Variants in RIMBP2 observed in about 807,000 individuals in gnomAD.
The protein encoded by RIMBP2 is RIMS-binding protein 2.
Under a neutral mutation model 118.6 loss-of-function variants are expected in RIMBP2, and 48 were observed. That is an observed-to-expected ratio of 0.40 (90% CI 0.32 to 0.51). The LOEUF (loss-of-function observed/expected upper bound fraction) is 0.51, where lower values mean the gene tolerates loss of function less well. RIMBP2 is among the 20% of genes least tolerant of loss of function. The pLI, the probability that RIMBP2 is intolerant of heterozygous loss-of-function variation, is 0.41. For missense variants in RIMBP2, 1,551 were observed against 1,768.3 expected (o/e 0.88, Z 2.20); for synonymous variants, 762 against 742.9 (o/e 1.03, Z -0.42).
chr12:130,550,638 G>C, intron 2 of RIMBP2, among the ~76,000 whole-genome samples: 1 of 152,194 alleles, frequency 6.6e-6, no homozygotes, highest in East Asian at 1.9e-4. Context: ...ATGAAAAAAG[G>C]TTAAAAATTA....
At chr12:130,397,709 C>T (rs1354453228) in intron 22 of RIMBP2, 160 bp from the exon 23 acceptor site, 1 of 390,110 alleles carries the variant, frequency 2.6e-6, no homozygotes, top group African/African-American at 2.1e-5. Context: ...AGGTCCTCTC[C>T]CACAGCACGC....
chr12:130,463,578 C>T (rs1411710870), intron 6 of RIMBP2, among the ~76,000 whole-genome samples: 3 of 152,132 alleles, frequency 2.0e-5, no homozygotes, highest in East Asian at 1.9e-4. Context: ...GCTGTGCTGG[C>T]GGCTGGCATC....
At chr12:130,626,763 C>T (rs922059720) in intron 2 of RIMBP2, among the ~76,000 whole-genome samples, 13 of 150,560 alleles carry the variant, frequency 8.6e-5, no homozygotes, top group South Asian at 4.3e-4. Flanking sequence ...TCTGTTGCCA[C>T]GACTACCTAC....
chr12:130,576,594 G>C lies in RIMBP2; in HGVS notation c.-217+51728C>G, dbSNP rs1423707382. ...CAGACTATTCAGTCCTCCCAGCCAA[G>C]TGGCTGGTAAACCCGAGCCTCCCTG... On this transcript the variant is annotated intron_variant, in intron 2 of 22. Transcript: ENST00000690449. This position sits in a 1 kb window ranked among gnomAD's most constrained non-coding sequence, Gnocchi z 4.2. 6.6e-6 allele frequency among the ~76,000 whole-genome samples: 1 copy of C among 152,202 alleles called. No homozygotes were observed. The highest frequency in any genetic ancestry group is 1.5e-5 in the Non-Finnish European group (1 of 68,032).
intron 17 of RIMBP2, among the ~76,000 whole-genome samples, chr12:130,417,865 G>GC (rs763749052): frequency 7.5e-5 from 7 of 93,286 alleles, no homozygotes; most frequent in African/African-American, 3.6e-4. Flanking sequence ...GAGAGAGAAT[G>GC]GGAGGGGAGA....
chr12:130,709,370 C>T (rs986788512), intron 1 of RIMBP2, among the ~76,000 whole-genome samples: 4 of 152,356 alleles, frequency 2.6e-5, no homozygotes, highest in African/African-American at 7.2e-5. Flanking sequence ...AGGCTGAAGA[C>T]GCAGAACCCA....
intron 2 of RIMBP2, among the ~76,000 whole-genome samples, chr12:130,579,827 A>C (rs1266161928): frequency 6.6e-6 from 1 of 152,046 alleles, no homozygotes; most frequent in African/African-American, 2.4e-5. Flanking sequence ...CCCTGGCCAC[A>C]ATATAGGAAC....
At chr12:130,699,057 T>C (rs1411093769) in intron 1 of RIMBP2, among the ~76,000 whole-genome samples, 3 of 152,074 alleles carry the variant, frequency 2.0e-5, no homozygotes, top group Non-Finnish European at 2.9e-5. Flanking sequence ...GTTAGAATGG[T>C]GATCATTAAA....
In RIMBP2 at chr12:130,478,894, C is replaced by T. The variant is rs774849369; in HGVS notation, c.102+18G>A. 14 of 1,598,430 alleles carry T rather than the reference C, an allele frequency of 8.8e-6. No homozygotes were observed. The highest frequency in any genetic ancestry group is 2.0e-4 in the Middle Eastern group (1 of 5,040). On this transcript the variant is annotated intron_variant, in intron 5 of 22. Coordinates refer to ENST00000690449, the MANE Select transcript of RIMBP2 (RefSeq NM_001393629.1). Reference sequence around the variant, plus strand: ...GACTCCCTGCCTCGCACGCCGCGCCCGGCTGCCCGCCGCTTACCTTCTGCA... The same window carrying T: ...GACTCCCTGCCTCGCACGCCGCGCCTGGCTGCCCGCCGCTTACCTTCTGCA...
chr12:130,470,194 G>A (rs1456290236), intron 6 of RIMBP2: 3 of 152,790 alleles, frequency 2.0e-5, no homozygotes, highest in South Asian at 2.1e-4. Flanking sequence ...AGATGGCGCT[G>A]AGGACTCTGA....
intron 2 of RIMBP2, among the ~76,000 whole-genome samples, chr12:130,594,534 T>C (rs189390571): frequency 1.3e-5 from 2 of 152,268 alleles, no homozygotes; most frequent in Admixed American, 1.3e-4. Context: ...ACACATAAAA[T>C]ACACTAACAG....
At chr12:130,473,146 T>A (rs1415049319) in intron 5 of RIMBP2, among the ~76,000 whole-genome samples, 1 of 152,222 alleles carries the variant, frequency 6.6e-6, no homozygotes, top group African/African-American at 2.4e-5. Context: ...CAGCTTCAGA[T>A]GAAAACCAGT....
intron 3 of RIMBP2, among the ~76,000 whole-genome samples, chr12:130,507,925 G>T (rs2050520265): frequency 6.6e-6 from 1 of 152,200 alleles, no homozygotes. Flanking sequence ...GGCACCAAAA[G>T]AAAGGGAGGC....
At chr12:130,570,499 A>G (rs2057548039) in intron 2 of RIMBP2, among the ~76,000 whole-genome samples, 1 of 152,202 alleles carries the variant, frequency 6.6e-6, no homozygotes, top group Non-Finnish European at 1.5e-5. Flanking sequence ...GGAGGAAAAC[A>G]CTGATATGTC....
chr12:130,534,961 CCAAAT>C (rs921046652), intron 2 of RIMBP2, among the ~76,000 whole-genome samples: 1 of 152,182 alleles, frequency 6.6e-6, no homozygotes, highest in African/African-American at 2.4e-5. Flanking sequence ...TGAAGTGAAA[CCAAAT>C]CAATATTTTT....
chr12:130,476,477 A>G (rs2081439642), intron 5 of RIMBP2, among the ~76,000 whole-genome samples: 1 of 152,114 alleles, frequency 6.6e-6, no homozygotes, highest in Admixed American at 6.5e-5. Context: ...TGGTGGGGTA[A>G]GCACTCCAGC....
At chr12:130,415,611 T>C (rs1267483410) in intron 17 of RIMBP2, among the ~76,000 whole-genome samples, 2 of 78,624 alleles carry the variant, frequency 2.5e-5, no homozygotes, top group African/African-American at 6.5e-5. Context: ...TCAAATTATC[T>C]CTCTTCACTG....
chr12:130,543,481 A>C (rs1469285404), intron 2 of RIMBP2, among the ~76,000 whole-genome samples: 3 of 152,230 alleles, frequency 2.0e-5, no homozygotes, highest in Non-Finnish European at 4.4e-5. Context: ...AGAAAAACTC[A>C]GGCCAGCAGA....
chr12:130,536,178 T>C (rs2054065038), intron 2 of RIMBP2, among the ~76,000 whole-genome samples: 1 of 150,842 alleles, frequency 6.6e-6, no homozygotes, highest in South Asian at 2.1e-4. Flanking sequence ...TGTACAAAAA[T>C]GAGAGAGAGA....
Sources: gnomAD v4.1 joint callset for allele counts (sites outside exome capture counted in the v4.1 genomes callset) on GRCh38, gnomAD v4.1.1 for gene constraint, Gnocchi (gnomAD v3.1) non-coding constraint, MANE v1.5 for transcripts, NCBI Gene and HGNC (gene_info 2026-07-23, HGNC 2026-07-21) for gene names.